The following EPHA6 variants were observed in gnomAD, a reference collection of about 807,000 sequenced individuals.
The protein encoded by EPHA6 is EPH receptor A6.
Under a neutral mutation model 112.0 loss-of-function variants are expected in EPHA6, and 50 were observed. The observed-to-expected ratio is 0.45, with a 90% CI of 0.36 to 0.56. EPHA6 has a LOEUF of 0.56. EPHA6 is among the 20% of genes least tolerant of loss of function. EPHA6 has a pLI of 0.00. For synonymous variants in EPHA6, 529 were observed against 490.7 expected, an observed-to-expected ratio of 1.08 and a Z score of -1.03; for missense variants, 1,280 against 1,417.4, an observed-to-expected ratio of 0.90 and a Z score of 1.56.
chr3:97,151,171 A>G (rs2076162712), intron 3 of EPHA6, among the ~76,000 whole-genome samples: 1 of 152,090 alleles, frequency 6.6e-6, no homozygotes, highest in African/African-American at 2.4e-5. Context: ...ATCTATTCCT[A>G]AAATACTCTG....
intron 11 of EPHA6, among the ~76,000 whole-genome samples, chr3:97,545,473 C>A (rs1437934141): frequency 6.6e-6 from 1 of 152,130 alleles, no homozygotes; most frequent in Non-Finnish European, 1.5e-5. Flanking sequence ...CTGAGGAGTG[C>A]TTTACTTCCA....
At chr3:97,025,602 A>AT (rs761031771) in intron 3 of EPHA6, among the ~76,000 whole-genome samples, 13 of 151,792 alleles carry the variant, frequency 8.6e-5, no homozygotes, top group Non-Finnish European at 1.5e-4. Context: ...AGTCTTTTTT[A>AT]TTTTTTAAAA....
chr3:97,182,701 A>C (rs1166561964), intron 3 of EPHA6, among the ~76,000 whole-genome samples: 2 of 152,168 alleles, frequency 1.3e-5, no homozygotes, highest in Non-Finnish European at 2.9e-5. Flanking sequence ...CTCTTCAAAG[A>C]AATTGAATAC....
At chr3:97,723,439 T>A (rs922823983) in intron 15 of EPHA6, among the ~76,000 whole-genome samples, 3 of 152,170 alleles carry the variant, frequency 2.0e-5, no homozygotes, top group African/African-American at 7.2e-5. Flanking sequence ...CTATTAAACC[T>A]CATTTGGCCA....
chr3:97,542,412 A>G (rs892261689), intron 11 of EPHA6, among the ~76,000 whole-genome samples: 4 of 152,178 alleles, frequency 2.6e-5, no homozygotes, highest in Non-Finnish European at 5.9e-5. Context: ...TGTCCCTACA[A>G]AGGACATGAA....
At chr3:97,316,989 A>G (rs2081872948) in intron 5 of EPHA6, among the ~76,000 whole-genome samples, 1 of 152,068 alleles carries the variant, frequency 6.6e-6, no homozygotes, top group East Asian at 1.9e-4. Flanking sequence ...TTTTAAAAAG[A>G]TAATATTTAC....
chr3:96,882,536 C>T (rs548149701), intron 2 of EPHA6, among the ~76,000 whole-genome samples: 1 of 152,220 alleles, frequency 6.6e-6, no homozygotes, highest in South Asian at 2.1e-4. Flanking sequence ...CCCAAGTCCC[C>T]AAAATCCATT....
At chr3:97,392,352 G>C (rs906253289) in intron 5 of EPHA6, among the ~76,000 whole-genome samples, 11 of 151,468 alleles carry the variant, frequency 7.3e-5, no homozygotes, top group African/African-American at 2.4e-4. Flanking sequence ...CTTCTGTTTT[G>C]CTCTTCTTAC....
chr3:97,180,565 G>A (rs2076960012), intron 3 of EPHA6, among the ~76,000 whole-genome samples: 1 of 152,088 alleles, frequency 6.6e-6, no homozygotes, highest in Non-Finnish European at 1.5e-5. Context: ...TCAGTTAGCA[G>A]GTGATGAATG....
At chr3:97,182,802 T>C (rs2077026554) in intron 3 of EPHA6, among the ~76,000 whole-genome samples, 1 of 152,108 alleles carries the variant, frequency 6.6e-6, no homozygotes, top group Admixed American at 6.6e-5. Context: ...ACTAGTTCAG[T>C]ATGTTTTAAA....
chr3:97,556,053 T>C (rs1056050292), intron 11 of EPHA6, among the ~76,000 whole-genome samples: 1 of 151,918 alleles, frequency 6.6e-6, no homozygotes, highest in African/African-American at 2.4e-5. Context: ...TCACCCCAGG[T>C]ATAGGAAAAC....
At chr3:97,735,839 G>C in intron 15 of EPHA6, 86 bp from the exon 16 acceptor site, 2 of 934,544 alleles carry the variant, frequency 2.1e-6, no homozygotes, top group Admixed American at 3.0e-5. Flanking sequence ...CATTATTTTG[G>C]CTTCTTCTGC....
At chr3:97,370,435 A>G (rs2108977148) in intron 5 of EPHA6, among the ~76,000 whole-genome samples, 1 of 152,256 alleles carries the variant, frequency 6.6e-6, no homozygotes, top group African/African-American at 2.4e-5. Context: ...CCCACCTATA[A>G]ATAGCACTAC....
chr3:97,049,285 A>T (rs940216693), intron 3 of EPHA6, among the ~76,000 whole-genome samples: 4 of 152,198 alleles, frequency 2.6e-5, no homozygotes, highest in African/African-American at 7.2e-5. Flanking sequence ...TTGAAAATAG[A>T]TTGAATGGAA....
At chr3:97,554,727 T>A (rs1019487582) in intron 11 of EPHA6, among the ~76,000 whole-genome samples, 3 of 151,914 alleles carry the variant, frequency 2.0e-5, no homozygotes, top group African/African-American at 7.3e-5. Context: ...TAAGAACAGT[T>A]CCTTGTGTCT....
rs28570550 is a variant in EPHA6 at position 97,651,305 on chromosome 3, A to G, written c.2784+13223A>G. ...AAAGCAATGAAAAATCTGCAATAGA[A>G]AGAAGCAAATGTAGCAAATGTTAAA... is the stretch of plus-strand genomic sequence containing the variant. On this transcript the variant is annotated intron_variant, in intron 14 of 17. Transcript: ENST00000389672. Among the ~76,000 whole-genome samples, 441 of 152,166 alleles carry G rather than the reference A, an allele frequency of 2.9e-3. 2 individuals are homozygous for G. Among genetic ancestry groups the G allele is most frequent in the African/African-American group, 9.7e-3 (404 of 41,536 alleles).
At position 97,755,516 on chromosome 3, in the gene EPHA6, G is replaced by A. The variant is rs1181080465; in HGVS notation, c.*6815G>A. On this transcript the variant is annotated 3_prime_UTR_variant, in exon 18 of 18. Transcript: ENST00000389672. ...GGTGCTCTACAAAATAATAAAAGGA[G>A]GACAACTCTAATTCAGGATTCCTAT... Among the ~76,000 whole-genome samples the A allele has an allele frequency of 6.6e-6, 1 of 152,032 alleles. No individual in the cohort carries two copies. Among genetic ancestry groups the A allele is most frequent in the Non-Finnish European group, 1.5e-5 (1 of 67,976 alleles).
chr3:97,642,719 G>A, intron 14 of EPHA6, among the ~76,000 whole-genome samples: 1 of 151,842 alleles, frequency 6.6e-6, no homozygotes, highest in East Asian at 1.9e-4. Flanking sequence ...ATGAAATGAA[G>A]CGAGAAGGGA....
intron 3 of EPHA6, among the ~76,000 whole-genome samples, chr3:97,164,216 A>T (rs1419281791): frequency 6.6e-6 from 1 of 152,142 alleles, no homozygotes; most frequent in Admixed American, 6.5e-5. Flanking sequence ...ACATATAGAT[A>T]TTTTGCATAT....
Sources: allele counts gnomAD v4.1 joint callset (sites outside exome capture counted in the v4.1 genomes callset), GRCh38; gene constraint gnomAD v4.1.1; transcripts MANE v1.5; gene names NCBI Gene and HGNC (gene_info 2026-07-23, HGNC 2026-07-21).